The following CHRM3 variants were observed in gnomAD, a reference collection of about 807,000 sequenced individuals.
CHRM3 encodes the protein cholinergic receptor muscarinic 3, also known as muscarinic acetylcholine receptor M3.
CHRM3 carries 11 observed loss-of-function variants against 41.8 expected under a neutral mutation model. That is an observed-to-expected ratio of 0.26 (90% confidence interval 0.17 to 0.44). The LOEUF is 0.44. Among genes scored for constraint, CHRM3 ranks in the 20% least tolerant of loss-of-function variants. The pLI is 1.00. For missense variants in CHRM3, 571 were observed against 745.4 expected (o/e 0.77, Z 2.72); for synonymous variants, 297 against 301.4 (o/e 0.99, Z 0.15).
At chr1:239,788,735 C>T (rs1338784968) in intron 5 of CHRM3, among the ~76,000 whole-genome samples, 3 of 152,086 alleles carry the variant, frequency 2.0e-5, no homozygotes, top group African/African-American at 7.2e-5. Flanking sequence ...CACTGCACTC[C>T]AGCCTGGGCG....
At chr1:239,522,609 C>T (rs542455578) in intron 2 of CHRM3, among the ~76,000 whole-genome samples, 1 of 152,274 alleles carries the variant, frequency 6.6e-6, no homozygotes, top group East Asian at 1.9e-4. Flanking sequence ...CATGTATGTT[C>T]TCTGCATATT....
intron 1 of CHRM3, among the ~76,000 whole-genome samples, chr1:239,443,183 T>C (rs1663861358): frequency 1.3e-5 from 2 of 152,336 alleles, no homozygotes; most frequent in South Asian, 2.1e-4. Flanking sequence ...GAATTTACAA[T>C]ATTTGTCTTT....
At chr1:239,668,899 C>A (rs1253279192) in intron 4 of CHRM3, among the ~76,000 whole-genome samples, 1 of 152,164 alleles carries the variant, frequency 6.6e-6, no homozygotes, top group Admixed American at 6.5e-5. Flanking sequence ...AGGAGAAATG[C>A]CATATTCCAC....
intron 5 of CHRM3, among the ~76,000 whole-genome samples, chr1:239,692,105 G>A (rs1265797616): frequency 1.3e-5 from 2 of 152,160 alleles, no homozygotes; most frequent in Non-Finnish European, 2.9e-5. Flanking sequence ...GGCATCTTGA[G>A]CAAAACAGTA....
In CHRM3 at chr1:239,913,088, T is replaced by C. The variant is rs1680453215; in HGVS notation, c.*3864T>C. 6.0e-6 allele frequency: 1 copy of C among 167,094 alleles called. No individual in the cohort carries two copies. Among genetic ancestry groups the C allele is most frequent in the African/African-American group, 2.4e-5 (1 of 41,466 alleles). 10.4% of individuals were successfully genotyped at this position (167,094 alleles called of 1,614,324 possible). A position where few individuals can be genotyped will look rare whatever the true frequency, so the allele number is the denominator to read the frequency against. ...GTATATTGGGTGAATGTTTGAAAAT[T>C]TCAGATTTTATATTCTGTAAAGTTA... is the stretch of plus-strand genomic sequence containing the variant. On this transcript the variant is annotated 3_prime_UTR_variant, in exon 7 of 7. Coordinates refer to ENST00000676153, the MANE Select transcript of CHRM3 (RefSeq NM_001375978.1).
At chr1:239,515,419 T>TC (rs1339509552) in intron 2 of CHRM3, among the ~76,000 whole-genome samples, 1 of 151,564 alleles carries the variant, frequency 6.6e-6, no homozygotes, top group African/African-American at 2.4e-5. Context: ...TTTGTTTTTT[T>TC]TTTTTTTAAT....
At chr1:239,841,693 G>A (rs554979122) in intron 6 of CHRM3, among the ~76,000 whole-genome samples, 36 of 152,286 alleles carry the variant, frequency 2.4e-4, no homozygotes, top group African/African-American at 7.7e-4. Flanking sequence ...CCCACCTGGG[G>A]TCAGGAGTAA....
chr1:239,475,344 T>C (rs902618655), intron 1 of CHRM3, among the ~76,000 whole-genome samples: 2 of 152,156 alleles, frequency 1.3e-5, no homozygotes, highest in Non-Finnish European at 2.9e-5. Context: ...TACCCTGATA[T>C]GGTGTGATGA....
In CHRM3 at chr1:239,748,140, T is replaced by A. The variant is rs1427775369; in HGVS notation, c.-147+69852T>A. On this transcript the variant is annotated intron_variant, in intron 5 of 6. Transcript: ENST00000676153. This position sits in a 1 kb window ranked among gnomAD's most constrained non-coding sequence, Gnocchi z 4.3. ...TAGATATCACTGTCTTCCAAAATTG[T>A]ACTGGATTGCCAACGTTTGCATTAT... 1.3e-5 allele frequency among the ~76,000 whole-genome samples: 2 copies of A among 152,242 alleles called. No homozygotes were observed. Among genetic ancestry groups the A allele is most frequent in the Admixed American group, 1.3e-4 (2 of 15,288 alleles).
chr1:239,875,340 G>A (rs914093749), intron 6 of CHRM3, among the ~76,000 whole-genome samples: 2 of 152,142 alleles, frequency 1.3e-5, no homozygotes, highest in Admixed American at 1.3e-4. Context: ...GGTCTCTGTT[G>A]GGACTATTCG....
chr1:239,591,046 A>G (rs1375329817), intron 3 of CHRM3, among the ~76,000 whole-genome samples: 1 of 152,162 alleles, frequency 6.6e-6, no homozygotes. Flanking sequence ...GCTGGTGAGA[A>G]CACATGGGAA....
chr1:239,653,191 T>C (rs1672394478), intron 4 of CHRM3, among the ~76,000 whole-genome samples: 1 of 152,070 alleles, frequency 6.6e-6, no homozygotes, highest in African/African-American at 2.4e-5. Context: ...AGTCAGTAGA[T>C]GGAAAATTCC....
chr1:239,416,679 C>T (rs926278197), intron 1 of CHRM3, among the ~76,000 whole-genome samples: 1 of 152,066 alleles, frequency 6.6e-6, no homozygotes, highest in Non-Finnish European at 1.5e-5. Context: ...GGAATATGCT[C>T]CACATATTCT....
In CHRM3 at chr1:239,531,639, A is replaced by ATT. The variant is rs58433814; in HGVS notation, c.-421-13966_-421-13965dup. On this transcript the variant is annotated intron_variant, in intron 2 of 6. Transcript: ENST00000676153. ...ATAAAAACTAATCTCTCTAGAATGG[A>ATT]TTTTTTTTTTTTTTTTTTTTTTTTT... 8.8e-3 allele frequency among the ~76,000 whole-genome samples: 494 copies of ATT among 55,894 alleles called. 159 individuals carry two copies. The highest frequency in any genetic ancestry group is 0.026 in the African/African-American group (299 of 11,328). The allele number at this position is 55,894 out of a possible 152,430, so 36.7% of individuals were successfully genotyped here.
At chr1:239,887,831 C>T (rs1220632636) in intron 6 of CHRM3, among the ~76,000 whole-genome samples, 4 of 152,034 alleles carry the variant, frequency 2.6e-5, no homozygotes, top group South Asian at 4.2e-4. Flanking sequence ...AAGGGACCCC[C>T]GAGGGATAGT....
At chr1:239,630,269 T>C (rs1330439788) in intron 3 of CHRM3, among the ~76,000 whole-genome samples, 1 of 152,214 alleles carries the variant, frequency 6.6e-6, no homozygotes. Context: ...TTTAAAATGA[T>C]CTGAATTTCA....
intron 1 of CHRM3, among the ~76,000 whole-genome samples, chr1:239,463,792 T>C (rs978693205): frequency 6.6e-6 from 1 of 152,236 alleles, no homozygotes; most frequent in Non-Finnish European, 1.5e-5. Flanking sequence ...CTGCAACTTA[T>C]GCATCTTGCT....
intron 1 of CHRM3, among the ~76,000 whole-genome samples, chr1:239,412,894 C>G (rs1419798704): frequency 1.3e-5 from 2 of 151,930 alleles, no homozygotes; most frequent in Non-Finnish European, 2.9e-5. Flanking sequence ...GCCTGGCCAA[C>G]ATGGTGAAAC....
chr1:239,578,055 T>G (rs528411449), intron 3 of CHRM3, among the ~76,000 whole-genome samples: 1 of 152,208 alleles, frequency 6.6e-6, no homozygotes, highest in Non-Finnish European at 1.5e-5. Flanking sequence ...AATGGAAAAC[T>G]AATGGTTTGA....
Sources: gnomAD v4.1 joint callset for allele counts (sites outside exome capture counted in the v4.1 genomes callset) on GRCh38, gnomAD v4.1.1 for gene constraint, Gnocchi (gnomAD v3.1) non-coding constraint, MANE v1.5 for transcripts, NCBI Gene and HGNC (gene_info 2026-07-23, HGNC 2026-07-21) for gene names.